RHOA: variants seen among roughly 807,000 people sequenced by gnomAD.
RHOA encodes ras homolog family member A.
Under a neutral mutation model 17.5 loss-of-function variants are expected in RHOA, and 3 were observed. The observed-to-expected ratio is 0.17, with a 90% confidence interval of 0.08 to 0.44. The LOEUF (loss-of-function observed/expected upper bound fraction) is 0.44, where lower values mean the gene tolerates loss of function less well. Among genes scored for constraint, RHOA ranks in the 20% least tolerant of loss-of-function variants. The probability of loss-of-function intolerance (pLI) is 0.99; values close to 1 mark genes in which losing one functional copy is unlikely to be tolerated. For synonymous variants in RHOA, 98 were observed against 88.4 expected (o/e 1.11, Z -0.61); for missense variants, 56 against 242.3 (o/e 0.23, Z 5.10).
intron 1 of RHOA, among the ~76,000 whole-genome samples, chr3:49,398,346 T>G (rs1168993467): frequency 6.6e-6 from 1 of 150,880 alleles, no homozygotes; most frequent in East Asian, 2.0e-4. Context: ...GAGCAAGACT[T>G]TGTCAAAAAA....
At chr3:49,378,415 T>A (rs962178240) in intron 1 of RHOA, among the ~76,000 whole-genome samples, 1 of 151,536 alleles carries the variant, frequency 6.6e-6, no homozygotes, top group African/African-American at 2.4e-5. Context: ...CCCAGCTAAT[T>A]TTTGTATTTT....
chr3:49,386,076 T>C (rs1276529003), intron 1 of RHOA, among the ~76,000 whole-genome samples: 3 of 152,172 alleles, frequency 2.0e-5, no homozygotes, highest in African/African-American at 7.2e-5. Flanking sequence ...AATTTTGGTA[T>C]GTATTTTAGT....
intron 1 of RHOA, among the ~76,000 whole-genome samples, chr3:49,389,320 A>G (rs2048457010): frequency 6.6e-6 from 1 of 152,050 alleles, no homozygotes. Context: ...ATCTCCAAAA[A>G]AAAAAAGGAG....
intron 1 of RHOA, among the ~76,000 whole-genome samples, chr3:49,398,839 CAAAAAAAAAAAAAAA>C (rs71080506): frequency 3.1e-3 from 112 of 35,658 alleles, no homozygotes; most frequent in African/African-American, 0.013. Context: ...GACTCCGTCT[CAAAAAAAAAAAAAAA>C]AAAAAAAAAA....
chr3:49,360,476 T>TG (rs2107826491), intron 4 of RHOA, 94 bp from the exon 5 acceptor site: 2 of 1,390,870 alleles, frequency 1.4e-6, no homozygotes, highest in East Asian at 5.1e-5. Context: ...GATTTTTTTT[T>TG]CTTTTTTTGA....
At chr3:49,371,310 G>A (rs1000396742) in intron 2 of RHOA, among the ~76,000 whole-genome samples, 1 of 145,926 alleles carries the variant, frequency 6.9e-6, no homozygotes, top group African/African-American at 2.5e-5. Flanking sequence ...ACAGAGTTTC[G>A]CCCTTGTCGC....
intron 1 of RHOA, among the ~76,000 whole-genome samples, chr3:49,399,262 C>T (rs1202977992): frequency 3.3e-5 from 5 of 150,810 alleles, no homozygotes; most frequent in East Asian, 1.9e-4. Flanking sequence ...CCCAGCTACT[C>T]GGGAGGCTGA....
At chr3:49,370,384 G>A (rs925223217) in intron 2 of RHOA, among the ~76,000 whole-genome samples, 1 of 152,218 alleles carries the variant, frequency 6.6e-6, no homozygotes. Flanking sequence ...AAAGCAGACA[G>A]GAGGGAAGAA....
chr3:49,368,700 CTTT>C, intron 2 of RHOA, 152 bp from the exon 3 acceptor site: 1 of 491,632 alleles, frequency 2.0e-6, no homozygotes, highest in Non-Finnish European at 3.4e-6. Flanking sequence ...TACATTTTTT[CTTT>C]TTTCTTTTTT....
intron 1 of RHOA, among the ~76,000 whole-genome samples, chr3:49,383,644 G>A (rs2048351908): frequency 6.6e-6 from 1 of 152,050 alleles, no homozygotes; most frequent in Non-Finnish European, 1.5e-5. Context: ...TGAGATTACT[G>A]CATGTGTCTT....
At chr3:49,380,876 G>A (rs1293008210) in intron 1 of RHOA, among the ~76,000 whole-genome samples, 1 of 151,668 alleles carries the variant, frequency 6.6e-6, no homozygotes, top group Non-Finnish European at 1.5e-5. Flanking sequence ...GGCTGACAGT[G>A]CTGCCATTAC....
intron 1 of RHOA, among the ~76,000 whole-genome samples, chr3:49,399,762 T>C (rs1320253855): frequency 1.3e-5 from 2 of 152,052 alleles, no homozygotes; most frequent in African/African-American, 4.8e-5. Context: ...GGGCCATATA[T>C]CCTTTTGCAC....
At chr3:49,398,374 C>A (rs2048654845) in intron 1 of RHOA, among the ~76,000 whole-genome samples, 2 of 151,436 alleles carry the variant, frequency 1.3e-5, no homozygotes, top group South Asian at 4.2e-4. Flanking sequence ...AAGATCTAAA[C>A]CAGGGCTGAG....
chr3:49,405,325 GGAGGCT>G (rs2048814016), intron 1 of RHOA, among the ~76,000 whole-genome samples: 1 of 151,926 alleles, frequency 6.6e-6, no homozygotes, highest in Admixed American at 6.6e-5. Context: ...CAACTAATGG[GGAGGCT>G]GAGGCAGGAG....
intron 1 of RHOA, among the ~76,000 whole-genome samples, chr3:49,376,045 T>C (rs1354238005): frequency 6.6e-6 from 1 of 151,814 alleles, no homozygotes; most frequent in Non-Finnish European, 1.5e-5. Context: ...TTCACCTTGT[T>C]GGCCAGGCTG....
intron 1 of RHOA, among the ~76,000 whole-genome samples, chr3:49,376,055 G>T (rs1168778333): frequency 6.6e-6 from 1 of 151,828 alleles, no homozygotes. Flanking sequence ...TGGCCAGGCT[G>T]GTCTTGAACT....
chr3:49,399,098 G>C (rs571271326), intron 1 of RHOA, among the ~76,000 whole-genome samples: 1 of 126,120 alleles, frequency 7.9e-6, no homozygotes. Flanking sequence ...GGCTGGGCAC[G>C]GTGGCTCATG....
chr3:49,408,654 A>G (rs2048879439), intron 1 of RHOA, among the ~76,000 whole-genome samples: 1 of 141,786 alleles, frequency 7.1e-6, no homozygotes, highest in Non-Finnish European at 1.6e-5. Flanking sequence ...ATGTCCCCAA[A>G]GAGCCCCATG....
At chr3:49,369,579 A>G (rs549687050) in intron 2 of RHOA, among the ~76,000 whole-genome samples, 1 of 151,200 alleles carries the variant, frequency 6.6e-6, no homozygotes, top group South Asian at 2.1e-4. Flanking sequence ...CTAAAATACG[A>G]AAGAAATTAG....
Sources: gnomAD v4.1 joint callset for allele counts (sites outside exome capture counted in the v4.1 genomes callset) on GRCh38, gnomAD v4.1.1 for gene constraint, MANE v1.5 for transcripts, NCBI Gene and HGNC (gene_info 2026-07-23, HGNC 2026-07-21) for gene names.